Variants in CHST9 observed in about 807,000 individuals in gnomAD.
The protein encoded by CHST9 is GalNAc-4-sulfotransferase 2.
A neutral mutation model predicts 44.4 loss-of-function variants in CHST9; 41 were observed. That is an observed-to-expected ratio of 0.92 (90% CI 0.72 to 1.20). The LOEUF is 1.20. CHST9 is among the 50% of genes most tolerant of loss of function. The probability of loss-of-function intolerance (pLI) is 0.00; values close to 1 mark genes in which losing one functional copy is unlikely to be tolerated. For missense variants in CHST9, 504 were observed against 516.5 expected (o/e 0.98, Z 0.23); for synonymous variants, 171 against 178.4 (o/e 0.96, Z 0.33).
chr18:26,963,546 A>G (rs79776891), intron 4 of CHST9, among the ~76,000 whole-genome samples: 140 of 151,082 alleles, frequency 9.3e-4, no homozygotes, highest in African/African-American at 3.4e-3. Context: ...GGCAGCGCAG[A>G]TTCCAGCTTC....
At chr18:26,926,824 T>C (rs759921413) in intron 5 of CHST9, among the ~76,000 whole-genome samples, 27 of 152,218 alleles carry the variant, frequency 1.8e-4, no homozygotes, top group Non-Finnish European at 2.9e-4. Context: ...TGTCTGTACA[T>C]ATTAAATGTG....
At chr18:26,944,124 T>A (rs71353414) in intron 5 of CHST9, among the ~76,000 whole-genome samples, 23,567 of 152,164 alleles carry the variant, frequency 0.15, 2,051 homozygotes, top group East Asian at 0.24. Flanking sequence ...AGGATGTGGT[T>A]GGGAAGGACT....
intron 2 of CHST9, among the ~76,000 whole-genome samples, chr18:27,109,515 A>G (rs1016636944): frequency 2.0e-5 from 3 of 152,332 alleles, no homozygotes; most frequent in Middle Eastern, 3.4e-3. Context: ...ACAGTTGAAG[A>G]CTACGCAAAG....
At chr18:26,972,165 T>G (rs1182373186) in intron 4 of CHST9, among the ~76,000 whole-genome samples, 3 of 151,838 alleles carry the variant, frequency 2.0e-5, no homozygotes, top group Non-Finnish European at 4.4e-5. Context: ...CAGACCAGCC[T>G]GGCCAACATG....
At chr18:27,093,696 T>C (rs2058090425) in intron 2 of CHST9, among the ~76,000 whole-genome samples, 1 of 152,210 alleles carries the variant, frequency 6.6e-6, no homozygotes, top group African/African-American at 2.4e-5. Context: ...CCCCTTGTGC[T>C]TCCCAGGTGA....
chr18:27,090,296 C>A (rs189073663), intron 2 of CHST9, among the ~76,000 whole-genome samples: 4 of 151,996 alleles, frequency 2.6e-5, no homozygotes, highest in Non-Finnish European at 5.9e-5. Context: ...TGGGGTTGTT[C>A]GTTTTTTTCT....
At chr18:26,973,466 G>A (rs2056579027) in intron 4 of CHST9, among the ~76,000 whole-genome samples, 1 of 152,234 alleles carries the variant, frequency 6.6e-6, no homozygotes, top group Non-Finnish European at 1.5e-5. Context: ...AGCTGGAGAA[G>A]GTGTTGCTTT....
chr18:27,104,433 G>A (rs550450493), intron 2 of CHST9, among the ~76,000 whole-genome samples: 25 of 152,132 alleles, frequency 1.6e-4, no homozygotes, highest in Admixed American at 1.6e-3. Context: ...TTCTGTGACT[G>A]GTGATAAATC....
intron 1 of CHST9, among the ~76,000 whole-genome samples, chr18:27,167,918 A>G (rs531516243): frequency 6.6e-6 from 1 of 152,168 alleles, no homozygotes; most frequent in African/African-American, 2.4e-5. Flanking sequence ...AAGAACTGAA[A>G]TAAGACAGTA....
intron 2 of CHST9, among the ~76,000 whole-genome samples, chr18:27,139,638 T>C (rs556819183): frequency 6.6e-6 from 1 of 152,198 alleles, no homozygotes; most frequent in South Asian, 2.1e-4. Context: ...GTCAGAGAAA[T>C]AGTTATCTAC....
At chr18:26,995,116 G>A (rs1406311527) in intron 4 of CHST9, among the ~76,000 whole-genome samples, 2 of 151,706 alleles carry the variant, frequency 1.3e-5, no homozygotes, top group African/African-American at 4.8e-5. Flanking sequence ...ACATGAATGA[G>A]CCTGCAAGTA....
intron 4 of CHST9, among the ~76,000 whole-genome samples, chr18:26,945,333 C>A (rs570174258): frequency 6.6e-6 from 1 of 152,220 alleles, no homozygotes; most frequent in East Asian, 1.9e-4. Flanking sequence ...TACAATATTA[C>A]AACCAAGGTA....
intron 1 of CHST9, among the ~76,000 whole-genome samples, chr18:27,151,925 C>T (rs192926199): frequency 1.1e-4 from 16 of 152,246 alleles, no homozygotes; most frequent in African/African-American, 2.2e-4. Flanking sequence ...GCAAAGAAAA[C>T]GAACACAGTA....
chr18:27,153,692 A>G (rs1228748439), intron 1 of CHST9, among the ~76,000 whole-genome samples: 2 of 152,006 alleles, frequency 1.3e-5, no homozygotes, highest in African/African-American at 2.4e-5. Context: ...TAACTTAATT[A>G]CATCAGCAAA....
At chr18:26,990,941 T>G (rs971578627) in intron 4 of CHST9, among the ~76,000 whole-genome samples, 1 of 152,102 alleles carries the variant, frequency 6.6e-6, no homozygotes, top group African/African-American at 2.4e-5. Flanking sequence ...GTGGCTGGAA[T>G]GGAGTGAGAA....
intron 1 of CHST9, among the ~76,000 whole-genome samples, chr18:27,150,712 A>G (rs1056433315): frequency 2.6e-5 from 4 of 152,222 alleles, no homozygotes; most frequent in African/African-American, 9.6e-5. Flanking sequence ...TTTCTTGACC[A>G]GAAACCTTCA....
chr18:27,045,161 A>G (rs2057485571), intron 3 of CHST9, among the ~76,000 whole-genome samples: 1 of 151,946 alleles, frequency 6.6e-6, no homozygotes, highest in African/African-American at 2.4e-5. Flanking sequence ...AAAAGTACGC[A>G]ATTGATTTCT....
At chr18:26,941,111 A>C (rs1201535780) in intron 5 of CHST9, among the ~76,000 whole-genome samples, 2 of 152,272 alleles carry the variant, frequency 1.3e-5, no homozygotes, top group Non-Finnish European at 2.9e-5. Flanking sequence ...GCACCTGTTC[A>C]TGGTACTTTG....
chr18:27,024,372 T>C (rs116300198), intron 3 of CHST9, among the ~76,000 whole-genome samples: 2,079 of 152,206 alleles, frequency 0.014, 58 homozygotes, highest in African/African-American at 0.047. Flanking sequence ...GGCATTACCA[T>C]GAAAATTTGG....
Sources: allele counts gnomAD v4.1 joint callset (sites outside exome capture counted in the v4.1 genomes callset), GRCh38; gene constraint gnomAD v4.1.1; transcripts MANE v1.5; gene names NCBI Gene and HGNC (gene_info 2026-07-23, HGNC 2026-07-21).